Variants in DYNC1I1 observed in about 807,000 individuals in gnomAD.
DYNC1I1 encodes the protein dynein cytoplasmic 1 intermediate chain 1.
A neutral mutation model predicts 86.6 loss-of-function variants in DYNC1I1; 43 were observed. That is an observed-to-expected ratio of 0.50 (90% CI 0.39 to 0.64). The LOEUF (loss-of-function observed/expected upper bound fraction) is 0.64, where lower values mean the gene tolerates loss of function less well. Among genes scored for constraint, DYNC1I1 ranks in the 30% least tolerant of loss-of-function variants. The pLI is 0.00. For synonymous variants in DYNC1I1, 262 were observed against 283.7 expected (o/e 0.92, Z 0.77); for missense variants, 604 against 788.8 (o/e 0.77, Z 2.81).
chr7:95,924,239 G>C (rs1791684233), intron 6 of DYNC1I1, among the ~76,000 whole-genome samples: 1 of 152,112 alleles, frequency 6.6e-6, no homozygotes, highest in Admixed American at 6.6e-5. Context: ...TGGTAGTCCT[G>C]ATTAACATCT....
At chr7:95,889,413 T>G (rs1790679248) in intron 6 of DYNC1I1, among the ~76,000 whole-genome samples, 1 of 152,124 alleles carries the variant, frequency 6.6e-6, no homozygotes, top group Admixed American at 6.5e-5. Flanking sequence ...AGACTGAAAA[T>G]GGACTCCTAT....
At chr7:95,940,722 A>C (rs541295728) in intron 6 of DYNC1I1, among the ~76,000 whole-genome samples, 2 of 152,320 alleles carry the variant, frequency 1.3e-5, no homozygotes, top group African/African-American at 2.4e-5. Flanking sequence ...CAAAGTTTTC[A>C]ACTTCTTTGC....
intron 13 of DYNC1I1, 122 bp from the exon 14 acceptor site, chr7:96,039,155 G>A (rs1011073237): frequency 1.9e-6 from 2 of 1,027,416 alleles, no homozygotes; most frequent in Non-Finnish European, 2.8e-6. Flanking sequence ...CATTTTGGTG[G>A]TGTGTGGTTG....
chr7:95,833,940 T>C (rs1486947444), intron 5 of DYNC1I1, among the ~76,000 whole-genome samples: 2 of 145,004 alleles, frequency 1.4e-5, no homozygotes, highest in Non-Finnish European at 3.0e-5. Context: ...ACTTCCTCTT[T>C]TCCTAATTGA....
intron 6 of DYNC1I1, among the ~76,000 whole-genome samples, chr7:95,907,594 C>A (rs1021368584): frequency 6.6e-6 from 1 of 152,118 alleles, no homozygotes; most frequent in Non-Finnish European, 1.5e-5. Context: ...GCCCCAACCC[C>A]ACCCATTCCA....
intron 4 of DYNC1I1, among the ~76,000 whole-genome samples, chr7:95,823,780 A>G (rs1414816313): frequency 6.6e-6 from 1 of 151,708 alleles, no homozygotes; most frequent in Non-Finnish European, 1.5e-5. Context: ...CAAATTGTTA[A>G]GTTGGCATCT....
intron 5 of DYNC1I1, among the ~76,000 whole-genome samples, chr7:95,849,400 G>T (rs531044530): frequency 6.6e-6 from 1 of 152,094 alleles, no homozygotes; most frequent in Non-Finnish European, 1.5e-5. Context: ...TGGATATGGT[G>T]TAAGATAAAG....
intron 6 of DYNC1I1, among the ~76,000 whole-genome samples, chr7:95,895,063 G>A (rs1790845256): frequency 6.6e-6 from 1 of 152,180 alleles, no homozygotes; most frequent in Admixed American, 6.5e-5. Flanking sequence ...CCGGGATTCA[G>A]AAAGCTGCAG....
intron 13 of DYNC1I1, 88 bp from the exon 14 acceptor site, chr7:96,039,189 T>A (rs184115363): frequency 7.0e-7 from 1 of 1,431,510 alleles, no homozygotes; most frequent in Admixed American, 2.3e-5. Context: ...AGATGCAGAG[T>A]TGAGGGTTTT....
At chr7:96,042,094 A>G (rs943527415) in intron 14 of DYNC1I1, among the ~76,000 whole-genome samples, 8 of 152,118 alleles carry the variant, frequency 5.3e-5, no homozygotes, top group African/African-American at 1.9e-4. Flanking sequence ...AAACTACCAA[A>G]AAAAATCTAA....
intron 6 of DYNC1I1, among the ~76,000 whole-genome samples, chr7:95,955,083 A>G (rs1792673919): frequency 6.6e-6 from 1 of 152,190 alleles, no homozygotes; most frequent in African/African-American, 2.4e-5. Flanking sequence ...ATAAATCAAG[A>G]GTAAGCCTTT....
intron 7 of DYNC1I1, among the ~76,000 whole-genome samples, chr7:95,979,301 A>G (rs1793392989): frequency 6.6e-6 from 1 of 152,244 alleles, no homozygotes; most frequent in Non-Finnish European, 1.5e-5. Context: ...CTGAGTGATC[A>G]CTACAGACTA....
intron 6 of DYNC1I1, among the ~76,000 whole-genome samples, chr7:95,961,555 G>A (rs1399345311): frequency 6.6e-6 from 1 of 152,064 alleles, no homozygotes; most frequent in African/African-American, 2.4e-5. Flanking sequence ...TTTATGTGAA[G>A]GCACTGGGAA....
At chr7:96,027,747 G>A (rs1794715059) in intron 10 of DYNC1I1, among the ~76,000 whole-genome samples, 1 of 152,100 alleles carries the variant, frequency 6.6e-6, no homozygotes, top group African/African-American at 2.4e-5. Context: ...TACCAACACT[G>A]CAAATTGTGT....
At chr7:96,041,161 G>A (rs1403873816) in intron 14 of DYNC1I1, among the ~76,000 whole-genome samples, 1 of 152,172 alleles carries the variant, frequency 6.6e-6, no homozygotes, top group Non-Finnish European at 1.5e-5. Context: ...TTTCTTTGCA[G>A]CTTCATGGGT....
intron 6 of DYNC1I1, among the ~76,000 whole-genome samples, chr7:95,876,325 A>C (rs1299325448): frequency 4.6e-5 from 7 of 152,166 alleles, no homozygotes; most frequent in African/African-American, 7.2e-5. Context: ...ATGGAGTCTC[A>C]AGGTTTTACT....
chr7:95,818,546 T>C, intron 4 of DYNC1I1: 1 of 669,730 alleles, frequency 1.5e-6, no homozygotes, highest in Non-Finnish European at 2.7e-6. Context: ...ACTTCTGGCC[T>C]CAAATGATTC....
At chr7:95,803,932 A>G (rs1794643705) in intron 1 of DYNC1I1, among the ~76,000 whole-genome samples, 1 of 152,192 alleles carries the variant, frequency 6.6e-6, no homozygotes, top group Admixed American at 6.5e-5. Flanking sequence ...CAGCATCGTC[A>G]TCATGATTAA....
chr7:95,833,180 C>G (rs1227505), intron 5 of DYNC1I1, among the ~76,000 whole-genome samples: 71,226 of 127,738 alleles, frequency 0.56, 19,345 homozygotes, highest in East Asian at 0.66. Flanking sequence ...TTTCAGCTTT[C>G]TACATATGGC....
Sources: gnomAD v4.1 joint callset for allele counts (sites outside exome capture counted in the v4.1 genomes callset) on GRCh38, gnomAD v4.1.1 for gene constraint, MANE v1.5 for transcripts, NCBI Gene and HGNC (gene_info 2026-07-23, HGNC 2026-07-21) for gene names.